CSMD1: variants seen among roughly 807,000 people sequenced by gnomAD.
CSMD1 encodes CUB and Sushi multiple domains 1.
In CSMD1, 213 loss-of-function variants were observed where a neutral mutation model predicts 417.5. The observed-to-expected ratio is 0.51, with a 90% CI of 0.46 to 0.57. The LOEUF is 0.57. CSMD1 is among the 20% of genes least tolerant of loss of function. The pLI is 0.00. For missense variants in CSMD1, 6,923 were observed against 4,529.7 expected (o/e 1.53, Z -15.17); for synonymous variants, 2,862 against 1,736.8 (o/e 1.65, Z -16.11).
intron 3 of CSMD1, among the ~76,000 whole-genome samples, chr8:4,294,532 A>C (rs1797558258): frequency 6.6e-6 from 1 of 152,290 alleles, no homozygotes; most frequent in East Asian, 1.9e-4. Flanking sequence ...TTTGCAGATG[A>C]GCAAACACAA....
intron 1 of CSMD1, among the ~76,000 whole-genome samples, chr8:4,812,312 G>A (rs552290349): frequency 5.3e-5 from 8 of 152,168 alleles, no homozygotes; most frequent in Non-Finnish European, 1.0e-4. Flanking sequence ...TTGGGATAGT[G>A]GCTGCTTCCA....
At chr8:3,943,172 A>G (rs952893952) in intron 5 of CSMD1, among the ~76,000 whole-genome samples, 5 of 152,184 alleles carry the variant, frequency 3.3e-5, no homozygotes, top group African/African-American at 1.2e-4. Context: ...TATAAAAATG[A>G]CTCAATTGAG....
chr8:3,204,637 T>C (rs146733457), intron 31 of CSMD1, among the ~76,000 whole-genome samples: 25 of 152,272 alleles, frequency 1.6e-4, no homozygotes, highest in Non-Finnish European at 2.8e-4. Flanking sequence ...CACACACAAG[T>C]TTCTTACACA....
intron 1 of CSMD1, among the ~76,000 whole-genome samples, chr8:4,676,247 C>G (rs1805674369): frequency 2.0e-5 from 3 of 152,250 alleles, no homozygotes; most frequent in South Asian, 4.1e-4. Context: ...TTGCTCTTCT[C>G]CTTTGCTTAT....
At chr8:3,310,870 A>C (rs184951813) in intron 23 of CSMD1, among the ~76,000 whole-genome samples, 79 of 151,866 alleles carry the variant, frequency 5.2e-4, no homozygotes, top group African/African-American at 1.8e-3. Context: ...TCAAGGGGCA[A>C]AAGAAATCTG....
chr8:3,196,893 G>A (rs903989875), intron 33 of CSMD1, among the ~76,000 whole-genome samples: 3 of 152,156 alleles, frequency 2.0e-5, no homozygotes, highest in African/African-American at 7.2e-5. Context: ...CCTGGCAAGT[G>A]CTGGCTCACC....
chr8:3,338,271 G>T (rs537514663), intron 23 of CSMD1, among the ~76,000 whole-genome samples: 36 of 152,288 alleles, frequency 2.4e-4, no homozygotes, highest in Middle Eastern at 3.4e-3. Flanking sequence ...CCCAGGGAGT[G>T]GCTTAGTCAT....
At chr8:3,240,621 G>A (rs145719931) in intron 26 of CSMD1, among the ~76,000 whole-genome samples, 4,850 of 152,132 alleles carry the variant, frequency 0.032, 108 homozygotes, top group Non-Finnish European at 0.05. Flanking sequence ...GAGCCTGATG[G>A]GTGTCAGGGT....
chr8:4,868,876 T>C lies in CSMD1; in HGVS notation c.85+125456A>G, dbSNP rs142821647. 8.4e-3 allele frequency among the ~76,000 whole-genome samples: 1,276 copies of C among 152,088 alleles called. 29 individuals are homozygous for C. The highest frequency in any genetic ancestry group is 0.024 in the Middle Eastern group (7 of 294). ...CAATTTCAGATGATTTTTGAGAGGATTGAATGAAGTAATATTTGCACGTTT... is the reference window on the plus strand; with the variant it reads ...CAATTTCAGATGATTTTTGAGAGGACTGAATGAAGTAATATTTGCACGTTT... On this transcript the variant is annotated intron_variant, in intron 1 of 69. Coordinates refer to ENST00000635120, the MANE Select transcript of CSMD1 (RefSeq NM_033225.6).
At chr8:4,080,075 A>C (rs1800048414) in intron 3 of CSMD1, among the ~76,000 whole-genome samples, 1 of 151,696 alleles carries the variant, frequency 6.6e-6, no homozygotes, top group Admixed American at 6.6e-5. Context: ...ATCTGACAAC[A>C]GTCTCTGTCT....
At chr8:4,549,979 AC>A (rs1276129098) in intron 2 of CSMD1, among the ~76,000 whole-genome samples, 1 of 151,878 alleles carries the variant, frequency 6.6e-6, no homozygotes, top group East Asian at 1.9e-4. Flanking sequence ...TAAAATGGTA[AC>A]TTTTGAGTCA....
chr8:3,194,075 G>A (rs555345594), intron 33 of CSMD1, among the ~76,000 whole-genome samples: 6 of 152,070 alleles, frequency 3.9e-5, no homozygotes, highest in Non-Finnish European at 8.8e-5. Flanking sequence ...GGAAAATCAG[G>A]TTGGACAAGC....
chr8:3,617,629 C>T (rs1304163963), intron 7 of CSMD1, among the ~76,000 whole-genome samples: 1 of 152,132 alleles, frequency 6.6e-6, no homozygotes, highest in Non-Finnish European at 1.5e-5. Context: ...GTCCAGGTTT[C>T]AAATGTAGAA....
At chr8:3,143,846 A>T (rs889895554) in intron 40 of CSMD1, among the ~76,000 whole-genome samples, 1 of 152,240 alleles carries the variant, frequency 6.6e-6, no homozygotes, top group African/African-American at 2.4e-5. Flanking sequence ...AGTGCATAAA[A>T]ATATTCACAC....
intron 9 of CSMD1, among the ~76,000 whole-genome samples, chr8:3,580,170 T>G (rs1800322749): frequency 6.6e-6 from 1 of 151,954 alleles, no homozygotes; most frequent in African/African-American, 2.4e-5. Context: ...AGTTGAACAC[T>G]GAGGGTATGG....
At chr8:3,033,347 T>G (rs1266009430) in intron 50 of CSMD1, among the ~76,000 whole-genome samples, 2 of 152,132 alleles carry the variant, frequency 1.3e-5, no homozygotes, top group Non-Finnish European at 2.9e-5. Context: ...CACCAATTGA[T>G]GCTACAGATA....
At chr8:4,514,829 C>T (rs970468013) in intron 2 of CSMD1, among the ~76,000 whole-genome samples, 2 of 152,076 alleles carry the variant, frequency 1.3e-5, no homozygotes, top group African/African-American at 4.8e-5. Flanking sequence ...TACTGTTTTC[C>T]AACTTGTACA....
At chr8:3,714,570 A>AAAAAAAAAAAAAG (rs1801720314) in intron 6 of CSMD1, among the ~76,000 whole-genome samples, 1 of 145,764 alleles carries the variant, frequency 6.9e-6, no homozygotes, top group Non-Finnish European at 1.5e-5. Flanking sequence ...CCAAAAAAAA[A>AAAAAAAAAAAAAG]AAAAAAAAAA....
Position 4,690,806 on chromosome 8 carries a change from G to T in CSMD1, c.86-53248C>A, listed in dbSNP as rs140765980. 6.9e-3 allele frequency among the ~76,000 whole-genome samples: 1,052 copies of T among 152,268 alleles called. 12 individuals carry two copies. The highest frequency in any genetic ancestry group is 0.027 in the Middle Eastern group (8 of 294). On this transcript the variant is annotated intron_variant, in intron 1 of 69. Transcript: ENST00000635120. ...TTCACTGGTGCGATCTCGGCTCACT[G>T]CAACCTCTTCCTGCCGGGTTCAAGC...
Sources: gnomAD v4.1 joint callset for allele counts (sites outside exome capture counted in the v4.1 genomes callset) on GRCh38, gnomAD v4.1.1 for gene constraint, MANE v1.5 for transcripts, NCBI Gene and HGNC (gene_info 2026-07-23, HGNC 2026-07-21) for gene names.